DOCK3: variants seen among roughly 807,000 people sequenced by gnomAD.
DOCK3 encodes dedicator of cytokinesis 3, also known as dedicator of cytokinesis protein 3.
DOCK3 carries 60 observed loss-of-function variants against 265.6 expected under a neutral mutation model. That is an observed-to-expected ratio of 0.23 (90% CI 0.18 to 0.28). The LOEUF is 0.28. Among genes scored for constraint, DOCK3 ranks in the 10% least tolerant of loss-of-function variants. The probability of loss-of-function intolerance (pLI) is 1.00; values close to 1 mark genes in which losing one functional copy is unlikely to be tolerated. For synonymous variants in DOCK3, 881 were observed against 938.0 expected (o/e 0.94, Z 1.11); for missense variants, 1,981 against 2,594.3 (o/e 0.76, Z 5.14).
chr3:51,368,044 G>A (rs1418834676), intron 49 of DOCK3, among the ~76,000 whole-genome samples: 2 of 152,304 alleles, frequency 1.3e-5, no homozygotes, highest in East Asian at 3.9e-4. Flanking sequence ...GCCTGCCTCG[G>A]TAGGTTGGGG....
intron 2 of DOCK3, among the ~76,000 whole-genome samples, chr3:50,798,215 A>G (rs2042893873): frequency 6.6e-6 from 1 of 152,234 alleles, no homozygotes; most frequent in Non-Finnish European, 1.5e-5. Flanking sequence ...ATCTTGAGGC[A>G]AGAGTCATAC....
chr3:51,095,096 G>C (rs1191369436), intron 9 of DOCK3, among the ~76,000 whole-genome samples: 1 of 150,826 alleles, frequency 6.6e-6, no homozygotes, highest in Non-Finnish European at 1.5e-5. Flanking sequence ...CTCCTGCTGG[G>C]TCTTGACTCT....
chr3:50,796,830 C>T (rs930995592), intron 2 of DOCK3, among the ~76,000 whole-genome samples: 4 of 151,930 alleles, frequency 2.6e-5, no homozygotes, highest in Non-Finnish European at 5.9e-5. Context: ...TGAATTCAGC[C>T]GACTGGCTTA....
chr3:50,901,367 T>C (rs1418557680), intron 4 of DOCK3, among the ~76,000 whole-genome samples: 1 of 152,190 alleles, frequency 6.6e-6, no homozygotes, highest in Non-Finnish European at 1.5e-5. Flanking sequence ...ACTGGTGTGC[T>C]GGCAGCAAGA....
intron 5 of DOCK3, among the ~76,000 whole-genome samples, chr3:51,012,736 G>A (rs1159487368): frequency 2.6e-5 from 4 of 152,110 alleles, no homozygotes; most frequent in Non-Finnish European, 4.4e-5. Context: ...CTTCTGTGTC[G>A]CTCACACTGG....
At chr3:50,859,569 A>AT (rs760225257) in intron 3 of DOCK3, among the ~76,000 whole-genome samples, 45 of 151,598 alleles carry the variant, frequency 3.0e-4, no homozygotes, top group Non-Finnish European at 5.3e-4. Context: ...TCTTACATTG[A>AT]TTTTTTCTCA....
rs1046227177 is a variant in DOCK3 at position 51,061,154 on chromosome 3, C to T, written c.316-3294C>T. Among the ~76,000 whole-genome samples, 7 of 152,266 alleles carry T rather than the reference C, an allele frequency of 4.6e-5. 2 individuals carry two copies. Among genetic ancestry groups the T allele is most frequent in the African/African-American group, 1.7e-4 (7 of 41,556 alleles). On this transcript the variant is annotated intron_variant, in intron 5 of 52. Transcript: ENST00000266037. ...TCAACCATTGTGGAAGTCAGTGTGGCGATTCCTCAGGGATCTAGAACTTGA... is the reference window on the plus strand; with the variant it reads ...TCAACCATTGTGGAAGTCAGTGTGGTGATTCCTCAGGGATCTAGAACTTGA...
chr3:51,004,700 G>T (rs1261987031), intron 5 of DOCK3, among the ~76,000 whole-genome samples: 1 of 134,352 alleles, frequency 7.4e-6, no homozygotes, highest in Non-Finnish European at 1.5e-5. Flanking sequence ...AACTTCATTT[G>T]AGAAGAGATT....
intron 12 of DOCK3, among the ~76,000 whole-genome samples, chr3:51,174,272 A>C (rs1258686715): frequency 2.0e-5 from 3 of 152,122 alleles, no homozygotes; most frequent in Admixed American, 2.0e-4. Context: ...CCTGGCCAAC[A>C]TGGCAAAACT....
intron 24 of DOCK3, among the ~76,000 whole-genome samples, chr3:51,271,452 T>C (rs2080490166): frequency 6.6e-6 from 1 of 152,162 alleles, no homozygotes; most frequent in Admixed American, 6.5e-5. Flanking sequence ...AAGGCAGCTC[T>C]CTGGGGTCTT....
intron 2 of DOCK3, among the ~76,000 whole-genome samples, chr3:50,781,460 G>A (rs1272189664): frequency 1.3e-5 from 2 of 151,820 alleles, no homozygotes; most frequent in Admixed American, 6.6e-5. Context: ...GGTAGAGATG[G>A]GGTTTTGCCA....
At position 51,225,255 on chromosome 3, in the gene DOCK3, G is replaced by A. The variant is rs551131884; in HGVS notation, c.1253-394G>A. Among the ~76,000 whole-genome samples, 3 of 152,278 alleles carry A rather than the reference G, an allele frequency of 2.0e-5. No homozygotes were observed. The South Asian group carries it at 6.2e-4, about 32-fold the overall frequency. On this transcript the variant is annotated intron_variant, in intron 14 of 52. Coordinates refer to ENST00000266037, the MANE Select transcript of DOCK3 (RefSeq NM_004947.5). The stretch of plus-strand genomic sequence containing the variant: ...TATAAAAGAGAAACCCTTCTTGAGG[G>A]AAAAGAAGAGGGATTAGTAGTTAAG...
intron 2 of DOCK3, chr3:50,787,083 T>C (rs966218252): frequency 1.1e-5 from 8 of 727,568 alleles, no homozygotes; most frequent in African/African-American, 7.0e-5. Flanking sequence ...TCATGAAGGA[T>C]CCAGTTTCTT....
intron 38 of DOCK3, among the ~76,000 whole-genome samples, chr3:51,342,775 G>A (rs1159666088): frequency 2.0e-5 from 3 of 152,212 alleles, no homozygotes; most frequent in East Asian, 1.9e-4. Flanking sequence ...AACACAAAGT[G>A]TGCCTGAGTA....
chr3:51,165,737 C>A (rs1177511005), intron 12 of DOCK3, among the ~76,000 whole-genome samples: 1 of 152,074 alleles, frequency 6.6e-6, no homozygotes, highest in Non-Finnish European at 1.5e-5. Flanking sequence ...AGCACAGTGC[C>A]CCCTAGGCTT....
Position 51,382,447 on chromosome 3 carries a change from G to T in DOCK3, c.*888G>T, listed in dbSNP as rs2088710896. The T allele has an allele frequency of 1.3e-5, 2 of 152,644 alleles. No individual in the cohort carries two copies. 9.5% of individuals were successfully genotyped at this position (152,644 alleles called of 1,614,324 possible). A position where few individuals can be genotyped will look rare whatever the true frequency, so the allele number is the denominator to read the frequency against. ...CCCCTTCCTATGTGGTAGAGAGACT[G>T]GTGTAAGAGTGTGGGGTGTGGCAGG... On this transcript the variant is annotated 3_prime_UTR_variant, in exon 53 of 53. Transcript: ENST00000266037.
intron 27 of DOCK3, among the ~76,000 whole-genome samples, chr3:51,298,280 C>A (rs1256945432): frequency 6.6e-6 from 1 of 152,186 alleles, no homozygotes; most frequent in Non-Finnish European, 1.5e-5. Context: ...GATTTTATAA[C>A]ATTGGTAATG....
intron 27 of DOCK3, among the ~76,000 whole-genome samples, chr3:51,287,015 C>G (rs1049704984): frequency 6.6e-6 from 1 of 152,070 alleles, no homozygotes; most frequent in Non-Finnish European, 1.5e-5. Flanking sequence ...AAACTCTCAA[C>G]AGAATAAACA....
At chr3:50,951,049 C>G (rs1347002690) in intron 5 of DOCK3, among the ~76,000 whole-genome samples, 2 of 152,148 alleles carry the variant, frequency 1.3e-5, no homozygotes, top group Non-Finnish European at 2.9e-5. Context: ...AAACAACACT[C>G]TGAAAGGGTT....
Sources: allele counts gnomAD v4.1 joint callset (sites outside exome capture counted in the v4.1 genomes callset), GRCh38; gene constraint gnomAD v4.1.1; transcripts MANE v1.5; gene names NCBI Gene and HGNC (gene_info 2026-07-23, HGNC 2026-07-21).